Variants in EIF4G3 observed in about 807,000 individuals in gnomAD.
The protein encoded by EIF4G3 is eukaryotic translation initiation factor 4 gamma 3.
EIF4G3 carries 34 observed loss-of-function variants against 186.4 expected under a neutral mutation model. The ratio of observed to expected loss-of-function variants is 0.18; its 90% CI spans 0.14 to 0.24. The LOEUF (loss-of-function observed/expected upper bound fraction) is 0.24. EIF4G3 is among the 10% of genes least tolerant of loss of function. EIF4G3 has a pLI of 1.00. For missense variants in EIF4G3, 1,536 were observed against 1,948.5 expected (o/e 0.79, Z 3.99); for synonymous variants, 673 against 679.5 (o/e 0.99, Z 0.15).
intron 2 of EIF4G3, among the ~76,000 whole-genome samples, chr1:21,122,954 T>G (rs1020148147): frequency 6.6e-6 from 1 of 152,172 alleles, no homozygotes; most frequent in African/African-American, 2.4e-5. Flanking sequence ...AATTACACGG[T>G]TGGAACATGA....
At chr1:20,879,574 G>A in intron 19 of EIF4G3, 54 bp from the exon 20 acceptor site, 2 of 1,114,908 alleles carry the variant, frequency 1.8e-6, no homozygotes, top group Non-Finnish European at 2.4e-6. Context: ...ACAATATGGT[G>A]CTTTCTGTAA....
intron 15 of EIF4G3, among the ~76,000 whole-genome samples, chr1:20,900,361 T>C (rs1355633503): frequency 2.6e-5 from 4 of 152,116 alleles, no homozygotes; most frequent in African/African-American, 4.8e-5. Context: ...GGCTGTGAAA[T>C]TGACAGTCTG....
chr1:20,858,192 C>T (rs1454521940), intron 24 of EIF4G3, among the ~76,000 whole-genome samples: 2 of 152,144 alleles, frequency 1.3e-5, no homozygotes, highest in Non-Finnish European at 2.9e-5. Flanking sequence ...TTGTTCAAAA[C>T]ACTTCTGATA....
intron 19 of EIF4G3, among the ~76,000 whole-genome samples, chr1:20,884,856 C>T (rs1449035984): frequency 1.3e-5 from 2 of 152,152 alleles, no homozygotes; most frequent in African/African-American, 2.4e-5. Flanking sequence ...TAACAGTGGT[C>T]CTCAACCTTT....
intron 3 of EIF4G3, among the ~76,000 whole-genome samples, chr1:21,088,908 T>C (rs1238222057): frequency 1.3e-5 from 2 of 152,086 alleles, no homozygotes; most frequent in Non-Finnish European, 2.9e-5. Flanking sequence ...GAGGTGAATA[T>C]TTACAGAAAG....
At chr1:21,016,771 C>T (rs111607776) in intron 4 of EIF4G3, among the ~76,000 whole-genome samples, 165 of 152,152 alleles carry the variant, frequency 1.1e-3, no homozygotes, top group African/African-American at 3.9e-3. Context: ...AGTTCAAGAC[C>T]AGCCTGACCA....
chr1:20,897,889 A>C (rs1424735763), intron 16 of EIF4G3, among the ~76,000 whole-genome samples: 2 of 151,848 alleles, frequency 1.3e-5, no homozygotes, highest in Non-Finnish European at 2.9e-5. Flanking sequence ...ATAATATAAA[A>C]TATAAGTAAC....
At chr1:21,068,396 A>AAAAAAAAAAAAAAAAAC (rs1200202846) in intron 3 of EIF4G3, among the ~76,000 whole-genome samples, 3 of 148,708 alleles carry the variant, frequency 2.0e-5, no homozygotes, top group Admixed American at 6.7e-5. Flanking sequence ...AAAAAAAAAA[A>AAAAAAAAAAAAAAAAAC]AAAACAGAAT....
chr1:21,046,698 C>T (rs1212540150), intron 4 of EIF4G3, among the ~76,000 whole-genome samples: 1 of 152,196 alleles, frequency 6.6e-6, no homozygotes. Flanking sequence ...TTGACTGAAT[C>T]TGTTTTGTAT....
intron 3 of EIF4G3, among the ~76,000 whole-genome samples, chr1:21,076,292 GAAAT>G (rs1303340477): frequency 6.6e-6 from 1 of 152,058 alleles, no homozygotes; most frequent in Non-Finnish European, 1.5e-5. Flanking sequence ...AAAATTTCCT[GAAAT>G]AAATGACAGT....
At chr1:20,808,448 G>A (rs1452910928) in intron 36 of EIF4G3, among the ~76,000 whole-genome samples, 16 of 151,992 alleles carry the variant, frequency 1.1e-4, no homozygotes, top group African/African-American at 3.9e-4. Flanking sequence ...TTGGGAGGCC[G>A]AGACAGGCGG....
At chr1:20,811,003 G>A in intron 35 of EIF4G3, 119 bp from the exon 36 acceptor site, 1 of 962,840 alleles carries the variant, frequency 1.0e-6, no homozygotes, top group Non-Finnish European at 1.5e-6. Flanking sequence ...AGGCTGGAGT[G>A]CAGTGGCACA....
chr1:20,818,597 G>A (rs1469479518), intron 33 of EIF4G3, among the ~76,000 whole-genome samples: 1 of 152,050 alleles, frequency 6.6e-6, no homozygotes, highest in Non-Finnish European at 1.5e-5. Context: ...AATTGTCATT[G>A]TGCCACTGCT....
Position 20,973,028 on chromosome 1 carries a change from G to A in EIF4G3, c.565C>T (p.Pro189Ser). 1 of 1,606,898 alleles carries A rather than the reference G, an allele frequency of 6.2e-7. No homozygotes were observed. The highest frequency in any genetic ancestry group is 8.5e-7 in the Non-Finnish European group (1 of 1,178,172). The part of the protein sequence containing the change: ...PIIVPTQQQP[P>S]PAKREKKTIR... ...GTTTTTTTCTCTCTCTTGGCTGGAG[G>A]CGGCTGTTGCTGCGTAGGCACTATG... Residue 189 changes from proline (P) to serine (S), a missense_variant, in exon 11 of 37, where the codon CCT (proline) becomes TCT (serine). Transcript: ENST00000602326.
intron 14 of EIF4G3, among the ~76,000 whole-genome samples, chr1:20,911,632 C>T (rs1251061877): frequency 6.7e-6 from 1 of 149,510 alleles, no homozygotes; most frequent in Admixed American, 6.7e-5. Flanking sequence ...AATCTTTAAT[C>T]CCAGAGTATC....
chr1:20,824,829 C>T (rs2063207058), intron 33 of EIF4G3, among the ~76,000 whole-genome samples: 1 of 152,138 alleles, frequency 6.6e-6, no homozygotes. Flanking sequence ...GGCCCTGTCA[C>T]CCTGCTTTAT....
intron 12 of EIF4G3, among the ~76,000 whole-genome samples, chr1:20,957,017 T>C (rs913538493): frequency 6.6e-6 from 1 of 152,182 alleles, no homozygotes; most frequent in Non-Finnish European, 1.5e-5. Flanking sequence ...AGAGGGTGTA[T>C]GCTTGGGCTA....
chr1:21,173,426 C>T (rs1474438275), intron 2 of EIF4G3, among the ~76,000 whole-genome samples: 1 of 152,108 alleles, frequency 6.6e-6, no homozygotes, highest in Admixed American at 6.6e-5. Flanking sequence ...TGGCTCAATG[C>T]CTGTAATCCC....
chr1:21,132,681 C>T (rs577559252), intron 2 of EIF4G3, among the ~76,000 whole-genome samples: 2 of 152,226 alleles, frequency 1.3e-5, no homozygotes, highest in African/African-American at 4.8e-5. Flanking sequence ...CTCAAGCAAT[C>T]CTCTCATCTC....
Sources: gnomAD v4.1 joint callset for allele counts (sites outside exome capture counted in the v4.1 genomes callset) on GRCh38, gnomAD v4.1.1 for gene constraint, MANE v1.5 for transcripts, NCBI Gene and HGNC (gene_info 2026-07-23, HGNC 2026-07-21) for gene names.